The following ZFPM2 variants were observed in gnomAD, a reference collection of about 807,000 sequenced individuals.
ZFPM2 encodes the protein zinc finger protein ZFPM2.
In ZFPM2, 20 loss-of-function variants were observed where a neutral mutation model predicts 98.6. The observed-to-expected ratio is 0.20, with a 90% confidence interval of 0.14 to 0.29. The LOEUF is 0.29. Ranked by LOEUF, ZFPM2 falls within the 10% of genes least tolerant of loss-of-function variation. The pLI is 1.00. For missense variants in ZFPM2, 1,310 were observed against 1,388.6 expected (o/e 0.94, Z 0.90); for synonymous variants, 518 against 502.7 (o/e 1.03, Z -0.41).
chr8:105,355,045 A>T (rs1163651322), intron 1 of ZFPM2, among the ~76,000 whole-genome samples: 1 of 152,240 alleles, frequency 6.6e-6, no homozygotes, highest in Non-Finnish European at 1.5e-5. Context: ...ATGCTATTTT[A>T]TTGCAATTTT....
chr8:105,549,624 T>A, intron 3 of ZFPM2, among the ~76,000 whole-genome samples: 1 of 150,410 alleles, frequency 6.6e-6, no homozygotes, highest in Admixed American at 6.7e-5. Flanking sequence ...TCTTTTTTTT[T>A]TAATTGAGAC....
chr8:105,482,452 A>G (rs1428946884), intron 3 of ZFPM2, among the ~76,000 whole-genome samples: 1 of 152,094 alleles, frequency 6.6e-6, no homozygotes, highest in Non-Finnish European at 1.5e-5. Flanking sequence ...TTACTGATCT[A>G]GTTCTATTTA....
chr8:105,465,617 G>T (rs930613378), intron 3 of ZFPM2, among the ~76,000 whole-genome samples: 1 of 151,838 alleles, frequency 6.6e-6, no homozygotes, highest in African/African-American at 2.4e-5. Context: ...GTAACATAAT[G>T]ATTTAAATTA....
At chr8:105,355,991 C>G (rs1302677869) in intron 1 of ZFPM2, among the ~76,000 whole-genome samples, 2 of 152,176 alleles carry the variant, frequency 1.3e-5, no homozygotes, top group Non-Finnish European at 2.9e-5. Flanking sequence ...CTCTCCTTCC[C>G]TCTTTTCTCT....
intron 1 of ZFPM2, among the ~76,000 whole-genome samples, chr8:105,346,313 G>A (rs569668836): frequency 6.6e-6 from 1 of 151,938 alleles, no homozygotes; most frequent in Non-Finnish European, 1.5e-5. Context: ...GAACCCGGGA[G>A]GCGGAGGTTG....
At chr8:105,417,675 T>G (rs1187992088) in intron 1 of ZFPM2, among the ~76,000 whole-genome samples, 1 of 152,186 alleles carries the variant, frequency 6.6e-6, no homozygotes, top group African/African-American at 2.4e-5. Flanking sequence ...AGGTGAAAGA[T>G]TATACATTTT....
intron 3 of ZFPM2, among the ~76,000 whole-genome samples, chr8:105,527,972 G>A (rs1814212143): frequency 6.6e-6 from 1 of 152,094 alleles, no homozygotes; most frequent in South Asian, 2.1e-4. Flanking sequence ...GGTATGCCAG[G>A]TTTTTAAATT....
chr8:105,740,540 TATTA>T (rs918232587), intron 5 of ZFPM2, among the ~76,000 whole-genome samples: 2 of 147,670 alleles, frequency 1.4e-5, no homozygotes, highest in African/African-American at 4.9e-5. Flanking sequence ...TATATATATA[TATTA>T]TATATATATA....
chr8:105,394,049 A>C (rs1313922032), intron 1 of ZFPM2, among the ~76,000 whole-genome samples: 1 of 151,922 alleles, frequency 6.6e-6, no homozygotes, highest in African/African-American at 2.4e-5. Flanking sequence ...GCCTGCCACC[A>C]TGCCCGGCTA....
chr8:105,777,479 T>C (rs995400188), intron 5 of ZFPM2, among the ~76,000 whole-genome samples: 56 of 152,140 alleles, frequency 3.7e-4, no homozygotes, highest in Non-Finnish European at 8.8e-5. Flanking sequence ...CACTCCAGAG[T>C]TGCTGGTCAG....
intron 1 of ZFPM2, among the ~76,000 whole-genome samples, chr8:105,326,665 T>G (rs1402491008): frequency 6.6e-6 from 1 of 151,688 alleles, no homozygotes. Context: ...ACTAATATAA[T>G]AGTTAATATT....
intron 3 of ZFPM2, among the ~76,000 whole-genome samples, chr8:105,521,154 AACAC>A (rs1043510779): frequency 2.7e-5 from 4 of 147,016 alleles, no homozygotes; most frequent in East Asian, 2.0e-4. Context: ...CACACACACA[AACAC>A]ACACACGCAT....
chr8:105,674,508 C>T (rs578140662), intron 5 of ZFPM2, among the ~76,000 whole-genome samples: 2 of 152,160 alleles, frequency 1.3e-5, no homozygotes, highest in African/African-American at 4.8e-5. Context: ...AAGAGGAAAT[C>T]ACAATGGGTT....
chr8:105,733,694 T>C (rs1414892697), intron 5 of ZFPM2, among the ~76,000 whole-genome samples: 1 of 151,804 alleles, frequency 6.6e-6, no homozygotes, highest in Non-Finnish European at 1.5e-5. Flanking sequence ...GTGCTAAGAG[T>C]TAGTAGTCAC....
chr8:105,568,582 A>G (rs770215886), intron 4 of ZFPM2, among the ~76,000 whole-genome samples: 19 of 152,068 alleles, frequency 1.2e-4, no homozygotes, highest in Non-Finnish European at 2.6e-4. Flanking sequence ...TTTCGTAATG[A>G]TTGTTCTCCT....
At chr8:105,469,635 G>C (rs1812859813) in intron 3 of ZFPM2, among the ~76,000 whole-genome samples, 1 of 152,164 alleles carries the variant, frequency 6.6e-6, no homozygotes, top group Non-Finnish European at 1.5e-5. Flanking sequence ...ATGTGCCTCA[G>C]TTTCCTTATC....
At chr8:105,387,092 TAGATAG>T (rs1811008204) in intron 1 of ZFPM2, 1 of 152,466 alleles carries the variant, frequency 6.6e-6, no homozygotes, top group Admixed American at 6.6e-5. Context: ...CCAGAGTAGC[TAGATAG>T]AGAGTGTGGA....
intron 3 of ZFPM2, among the ~76,000 whole-genome samples, chr8:105,448,433 T>G (rs965817079): frequency 6.6e-5 from 10 of 151,988 alleles, no homozygotes; most frequent in Non-Finnish European, 1.3e-4. Flanking sequence ...AATTATTCAA[T>G]AAATATTTAT....
chr8:105,657,459 A>C (rs573210173), intron 5 of ZFPM2, among the ~76,000 whole-genome samples: 1 of 152,222 alleles, frequency 6.6e-6, no homozygotes, highest in Non-Finnish European at 1.5e-5. Context: ...TCTATTCTTA[A>C]GAGATTTTGC....
Sources: allele counts gnomAD v4.1 joint callset (sites outside exome capture counted in the v4.1 genomes callset), GRCh38; gene constraint gnomAD v4.1.1; transcripts MANE v1.5; gene names NCBI Gene and HGNC (gene_info 2026-07-23, HGNC 2026-07-21).